MOB3C: variants seen among roughly 807,000 people sequenced by gnomAD.
The protein encoded by MOB3C is MOB1, Mps One Binder kinase activator-like 2C.
A neutral mutation model predicts 19.8 loss-of-function variants in MOB3C; 17 were observed. The observed-to-expected ratio is 0.86, with a 90% CI of 0.59 to 1.29. The LOEUF (loss-of-function observed/expected upper bound fraction) is 1.29, where lower values mean the gene tolerates loss of function less well. Ranked by LOEUF, MOB3C falls within the 50% of genes most tolerant of loss-of-function variation. The pLI is 0.00. For missense variants in MOB3C, 291 were observed against 301.9 expected (o/e 0.96, Z 0.27); for synonymous variants, 101 against 119.2 (o/e 0.85, Z 0.99).
At position 46,611,101 on chromosome 1, in the gene MOB3C, G is replaced by A. The variant is rs1024645161; in HGVS notation, c.419-897C>T. 8.5e-5 allele frequency among the ~76,000 whole-genome samples: 13 copies of A among 152,156 alleles called. No individual in the cohort carries two copies. The highest frequency in any genetic ancestry group is 1.6e-4 in the Non-Finnish European group (11 of 68,026). Reference sequence around the variant, plus strand: ...CCCAATCCTGGAAATTATGAATTCTGCAAGAGTTAGTTCAGACAGCCCTCA... The same window carrying A: ...CCCAATCCTGGAAATTATGAATTCTACAAGAGTTAGTTCAGACAGCCCTCA... On this transcript the variant is annotated intron_variant, in intron 2 of 3. Coordinates refer to ENST00000319928, the MANE Select transcript of MOB3C (RefSeq NM_201403.3). This position sits in a 1 kb window ranked among gnomAD's most constrained non-coding sequence, Gnocchi z 4.1.
Position 46,608,217 on chromosome 1 carries a change from C to T in MOB3C, c.*1438G>A, listed in dbSNP as rs1479547847. 6.6e-6 allele frequency: 1 copy of T among 152,460 alleles called. No individual in the cohort carries two copies. Among genetic ancestry groups the T allele is most frequent in the Non-Finnish European group, 1.5e-5 (1 of 68,246 alleles). The allele number at this position is 152,460 out of a possible 1,614,324, so 9.4% of individuals were successfully genotyped here. A position where few individuals can be genotyped will look rare whatever the true frequency, so the allele number is the denominator to read the frequency against. On this transcript the variant is annotated 3_prime_UTR_variant, in exon 4 of 4. Transcript: ENST00000319928. This position sits in a 1 kb window ranked among gnomAD's most constrained non-coding sequence, Gnocchi z 4.5. ...CTGCGGTCAGGATCCCTGGTTTCTCCAGCTCCATGAATGCCTCCCTGTGAG... is the reference window on the plus strand; with the variant it reads ...CTGCGGTCAGGATCCCTGGTTTCTCTAGCTCCATGAATGCCTCCCTGTGAG...
At chr1:46,613,595 C>G in intron 1 of MOB3C, 1 of 571,950 alleles carries the variant, frequency 1.7e-6, no homozygotes, top group East Asian at 2.9e-5. Flanking sequence ...CTTGCTTTGT[C>G]TCTTTTCTGC....
At chr1:46,615,085 T>G in intron 1 of MOB3C, 1 of 1,608,788 alleles carries the variant, frequency 6.2e-7, no homozygotes, top group Non-Finnish European at 8.5e-7. Flanking sequence ...ATTTGCCATC[T>G]CCATTTTAAA....
At position 46,612,994 on chromosome 1, in the gene MOB3C, C is replaced by A; in HGVS notation, c.328G>T (p.Ala110Ser). 6.2e-7 allele frequency: 1 copy of A among 1,611,618 alleles called. No homozygotes were observed. The highest frequency in any genetic ancestry group is 8.5e-7 in the Non-Finnish European group (1 of 1,178,508). ...WQDERQYRRP[A>S]KLSAPRYMAL... is the part of the protein sequence containing the mutation. ...ATATAGCGCGGCGCAGAGAGCTTGG[C>A]GGGCCGCCGGTACTGGCGCTCGTCC... is the stretch of plus-strand genomic sequence containing the variant. Residue 110 changes from alanine (A) to serine (S), a missense_variant, in exon 2 of 4, where the codon GCC becomes TCC. Transcript: ENST00000319928.
At chr1:46,612,280 T>A (rs1157702617) in intron 2 of MOB3C, among the ~76,000 whole-genome samples, 2 of 151,414 alleles carry the variant, frequency 1.3e-5, no homozygotes, top group Non-Finnish European at 2.9e-5. Context: ...AGGCCAGGAG[T>A]CAGAGGGAAC....
At chr1:46,610,564 G>T (rs944374666) in intron 2 of MOB3C, among the ~76,000 whole-genome samples, 1 of 152,078 alleles carries the variant, frequency 6.6e-6, no homozygotes, top group African/African-American at 2.4e-5. Flanking sequence ...TGTATTTTTA[G>T]TAGAGACAGG....
At chr1:46,614,126 AC>A (rs1675523970) in intron 1 of MOB3C, 1 of 152,332 alleles carries the variant, frequency 6.6e-6, no homozygotes, top group Non-Finnish European at 1.5e-5. Flanking sequence ...CACTCAGTAG[AC>A]ATTCCTCTAG....
Position 46,613,168 on chromosome 1 carries a change from G to C in MOB3C, c.154C>G (p.Pro52Ala), listed in dbSNP as rs770800766. The stretch of plus-strand genomic sequence containing the variant: ...ATCCAGTCGTCGATGTTCTCCCCGG[G>C]TGGTAGCCTCACCACACTGCGCAGG... ...LDLRSVVRLP[P>A]GENIDDWIAV... The change falls in exon 2 of 4, where the codon CCC (proline) becomes GCC (alanine). Residue 52 changes from proline to alanine, a missense_variant. By Grantham distance (27) the Pro-to-Ala change is conservative (BLOSUM62 -1). Transcript: ENST00000319928. 2 of 1,614,274 alleles carry C rather than the reference G, an allele frequency of 1.2e-6. No homozygotes were observed. The highest frequency in any genetic ancestry group is 1.7e-6 in the Non-Finnish European group (2 of 1,180,048).
intron 1 of MOB3C, chr1:46,615,693 G>A (rs1675549262): frequency 1.3e-5 from 2 of 152,404 alleles, no homozygotes; most frequent in South Asian, 4.1e-4. Context: ...CTGGGATAAG[G>A]TGGGGCTCAG....
In MOB3C at chr1:46,611,769, CAA is replaced by C; in HGVS notation, c.418+1133_418+1134del. ...TCAGTGCACTTTCCCTCAGTAGCCT[CAA>C]GTTTCCTCCTATGTAAAATGAAGGT... is the stretch of plus-strand genomic sequence containing the variant. On this transcript the variant is annotated intron_variant, in intron 2 of 3. Transcript: ENST00000319928. The surrounding 1 kb of genome is among the most constrained non-coding windows in gnomAD (Gnocchi z 4.1). Among the ~76,000 whole-genome samples the C allele has an allele frequency of 6.6e-6, 1 of 152,344 alleles. No individual in the cohort carries two copies. The highest frequency in any genetic ancestry group is 1.9e-4 in the East Asian group (1 of 5,178).
At chr1:46,609,726 C>A (rs531047170) in intron 3 of MOB3C, 42 bp from the exon 4 acceptor site, 67 of 1,611,722 alleles carry the variant, frequency 4.2e-5, no homozygotes, top group Non-Finnish European at 5.4e-5. Context: ...TAGAGCTCAG[C>A]CTACTAGGCA....
chr1:46,610,166 T>A lies in MOB3C; in HGVS notation c.457A>T (p.Lys153Ter). ...ACTCGGAAGAGGCGGGTCAGGATCT[T>A]GGTGCAGACCTGCTGGAAGTTCTTA... is the stretch of plus-strand genomic sequence containing the variant. The part of the protein sequence containing the change: ...FPKNFQQVCT[K>*]ILTRLFRVFV... Residue 153 changes from lysine (K) to a stop codon, truncating the protein, a stop_gained, in exon 3 of 4, where the codon AAG becomes TAG. Coordinates refer to ENST00000319928, the MANE Select transcript of MOB3C (RefSeq NM_201403.3). LOFTEE classifies it high-confidence loss of function. 6.2e-7 allele frequency: 1 copy of A among 1,614,148 alleles called. No individual in the cohort carries two copies. The highest frequency in any genetic ancestry group is 1.1e-5 in the South Asian group (1 of 91,076).
chr1:46,612,878 C>T (rs1401662775), intron 2 of MOB3C, 26 bp downstream of exon 2: 2 of 1,525,714 alleles, frequency 1.3e-6, no homozygotes, highest in African/African-American at 1.4e-5. Flanking sequence ...CTCCCAGTGG[C>T]TCCCTCCCCG....
rs1675420185 is a variant in MOB3C at position 46,609,233 on chromosome 1, A to ATC, written c.*420_*421dup. ...CTCACAGACACACCCCACAGTGAAA[A>ATC]TCACACACACACACACACACCCCGG... On this transcript the variant is annotated 3_prime_UTR_variant, in exon 4 of 4. Coordinates refer to ENST00000319928, the MANE Select transcript of MOB3C (RefSeq NM_201403.3). 1 of 254,410 alleles carries ATC rather than the reference A, an allele frequency of 3.9e-6. No homozygotes were observed. The highest frequency in any genetic ancestry group is 2.3e-5 in the African/African-American group (1 of 43,640). The allele number at this position is 254,410 out of a possible 1,614,324, so 15.8% of individuals were successfully genotyped here. A position where few individuals can be genotyped will look rare whatever the true frequency, so the allele number is the denominator to read the frequency against.
chr1:46,616,515 C>T (rs1307658757), intron 1 of MOB3C, 196 bp downstream of exon 1: 1 of 138,650 alleles, frequency 7.2e-6, no homozygotes, highest in East Asian at 2.3e-4. Flanking sequence ...CTGCCCCGTA[C>T]TCCCCCACCC....
rs527607971 is a variant in MOB3C, at chr1:46,613,070, C to T, written c.252G>A (p.Glu84=). 2 of 1,614,196 alleles carry T rather than the reference C, an allele frequency of 1.2e-6. No individual in the cohort carries two copies. The highest frequency in any genetic ancestry group is 1.1e-5 in the South Asian group (1 of 91,090). ...IYGTMAERCS[E]TSCPVMAGGP... is the part of the protein sequence containing the mutation. Reference sequence around the variant, plus strand: ...CGCCGGCCATGACCGGGCAGCTGGTCTCACTGCAGCGCTCCGCCATAGTGC... The same window carrying T: ...CGCCGGCCATGACCGGGCAGCTGGTTTCACTGCAGCGCTCCGCCATAGTGC... The change falls in exon 2 of 4, where the codon GAG becomes GAA. Residue 84 remains glutamate (E), a synonymous_variant. Coordinates refer to ENST00000319928, the MANE Select transcript of MOB3C (RefSeq NM_201403.3).
Position 46,610,117 on chromosome 1 carries a change from T to A in MOB3C, c.506A>T (p.His169Leu), listed in dbSNP as rs751448989. ...CCCCATGCTGAGGATGCTATCGAAG[T>A]GGTGGATGTAGACATGGACAAAGAC... ...FRVFVHVYIH[H>L]FDSILSMGAE... Residue 169 changes from histidine (H) to leucine (L), a missense_variant, in exon 3 of 4, where the codon CAC (histidine) becomes CTC (leucine). Transcript: ENST00000319928. 1 of 1,614,110 alleles carries A rather than the reference T, an allele frequency of 6.2e-7. No individual in the cohort carries two copies. Among genetic ancestry groups the A allele is most frequent in the Non-Finnish European group, 8.5e-7 (1 of 1,180,028 alleles).
At position 46,611,039 on chromosome 1, in the gene MOB3C, C is replaced by T. The variant is rs1237341782; in HGVS notation, c.419-835G>A. Among the ~76,000 whole-genome samples, 3 of 152,188 alleles carry T rather than the reference C, an allele frequency of 2.0e-5. No individual in the cohort carries two copies. ...CCCTCTCTAGCCCCACCCCATGTCCCTCCTCTTTTCAACATTCACACAGAA... is the reference window on the plus strand; with the variant it reads ...CCCTCTCTAGCCCCACCCCATGTCCTTCCTCTTTTCAACATTCACACAGAA... On this transcript the variant is annotated intron_variant, in intron 2 of 3. Transcript: ENST00000319928. This position sits in a 1 kb window ranked among gnomAD's most constrained non-coding sequence, Gnocchi z 4.1.
chr1:46,613,260 A>G lies in MOB3C; in HGVS notation c.62T>C (p.Phe21Ser), dbSNP rs1675504940. 3.7e-6 allele frequency: 6 copies of G among 1,613,682 alleles called. No individual in the cohort carries two copies. The highest frequency in any genetic ancestry group is 2.2e-5 in the East Asian group (1 of 44,880). Residue 21 changes from phenylalanine (F) to serine (S), a missense_variant, in exon 2 of 4, where the codon TTT becomes TCT. Physicochemically the swap from Phe to Ser is radical, Grantham distance 155. Transcript: ENST00000319928. ...CTCAAAGCGCTGTGTGCCCGGCTCA[A>G]AGCGCTTCCGCGGCCGGAACGTCTT... is the stretch of plus-strand genomic sequence containing the variant. ...KDKTFRPRKR[F>S]EPGTQRFELY...
Sources: gnomAD v4.1 joint callset for allele counts (sites outside exome capture counted in the v4.1 genomes callset) on GRCh38, gnomAD v4.1.1 for gene constraint, Gnocchi (gnomAD v3.1) non-coding constraint, MANE v1.5 for transcripts, NCBI Gene and HGNC (gene_info 2026-07-23, HGNC 2026-07-21) for gene names.